GALNTL6: variants seen among roughly 807,000 people sequenced by gnomAD.
GALNTL6 encodes polypeptide N-acetylgalactosaminyltransferase-like 6.
In GALNTL6, 46 loss-of-function variants were observed where a neutral mutation model predicts 73.7. That is an observed-to-expected ratio of 0.62 (90% confidence interval 0.49 to 0.80). GALNTL6 has a LOEUF of 0.80. GALNTL6 is among the 30% of genes least tolerant of loss of function. GALNTL6 has a pLI of 0.00. For missense variants in GALNTL6, 604 were observed against 755.0 expected, an observed-to-expected ratio of 0.80 and a Z score of 2.34; for synonymous variants, 259 against 263.7, an observed-to-expected ratio of 0.98 and a Z score of 0.17.
chr4:172,494,534 G>A (rs1734005597), intron 5 of GALNTL6, among the ~76,000 whole-genome samples: 1 of 152,180 alleles, frequency 6.6e-6, no homozygotes, highest in African/African-American at 2.4e-5. Flanking sequence ...GACTCACATG[G>A]TCGCAAGGTG....
chr4:172,526,780 A>C (rs1310415043), intron 5 of GALNTL6, among the ~76,000 whole-genome samples: 1 of 151,992 alleles, frequency 6.6e-6, no homozygotes, highest in Non-Finnish European at 1.5e-5. Context: ...TTTCCTCACC[A>C]CCTTCACTTT....
In GALNTL6 at chr4:172,856,648, T is replaced by TCTAA. The variant is rs60747961; in HGVS notation, c.924-26140_924-26139insAACT. Reference sequence around the variant, plus strand: ...GTTCATTGACTGTGGTTTCTACTCTTCTGTCTGGCTTTACAACAGCTTCAA... The same window carrying TCTAA: ...GTTCATTGACTGTGGTTTCTACTCTTCTAACTGTCTGGCTTTACAACAGCTTCAA... On this transcript the variant is annotated intron_variant, in intron 7 of 12. Transcript: ENST00000506823. Among the ~76,000 whole-genome samples, 3 of 151,838 alleles carry TCTAA rather than the reference T, an allele frequency of 2.0e-5. No individual in the cohort carries two copies. The South Asian group carries it at 6.2e-4, about 31-fold the overall frequency.
At chr4:172,107,876 A>G (rs1333323028) in intron 2 of GALNTL6, among the ~76,000 whole-genome samples, 1 of 152,208 alleles carries the variant, frequency 6.6e-6, no homozygotes, top group African/African-American at 2.4e-5. Flanking sequence ...TGGTTCATTA[A>G]TCATTTCTAA....
intron 3 of GALNTL6, among the ~76,000 whole-genome samples, chr4:172,235,170 T>A (rs942207669): frequency 4.6e-5 from 7 of 152,170 alleles, no homozygotes; most frequent in Admixed American, 4.6e-4. Context: ...TTTTTTTTCT[T>A]TTTGCTTTCT....
intron 2 of GALNTL6, among the ~76,000 whole-genome samples, chr4:172,117,409 AT>A (rs1403044023): frequency 3.3e-5 from 5 of 152,198 alleles, no homozygotes; most frequent in African/African-American, 1.2e-4. Flanking sequence ...AGGCACGCTT[AT>A]AAAGGCTTTA....
At chr4:172,417,068 T>G (rs186395083) in intron 5 of GALNTL6, among the ~76,000 whole-genome samples, 27 of 152,272 alleles carry the variant, frequency 1.8e-4, no homozygotes, top group Admixed American at 1.6e-3. Flanking sequence ...AATCCGACTT[T>G]TCTCATAATT....
chr4:172,249,466 A>G (rs1351857649), intron 3 of GALNTL6, among the ~76,000 whole-genome samples: 1 of 152,202 alleles, frequency 6.6e-6, no homozygotes. Context: ...AAAATTGCAT[A>G]AGTAACAAGG....
intron 2 of GALNTL6, among the ~76,000 whole-genome samples, chr4:172,123,920 AAG>A (rs1162626638): frequency 6.6e-6 from 1 of 152,214 alleles, no homozygotes; most frequent in Non-Finnish European, 1.5e-5. Context: ...TTAGAGTTCT[AAG>A]AATTTTTTAT....
Position 172,010,848 on chromosome 4 carries a change from C to T in GALNTL6, c.138+196130C>T, listed in dbSNP as rs767398758. Reference sequence around the variant, plus strand: ...TGAAAACTGTTGACACAACGCCATCCGAAGAGTTCAGTGGTAATTTGGCAA... The same window carrying T: ...TGAAAACTGTTGACACAACGCCATCTGAAGAGTTCAGTGGTAATTTGGCAA... On this transcript the variant is annotated intron_variant, in intron 2 of 12. Coordinates refer to ENST00000506823, the MANE Select transcript of GALNTL6 (RefSeq NM_001034845.3). Among the ~76,000 whole-genome samples the T allele has an allele frequency of 4.0e-5, 6 of 151,816 alleles. No individual in the cohort carries two copies. In the South Asian group the frequency reaches 1.0e-3, roughly 26 times the overall value.
rs144257012 is a variant in GALNTL6 at position 172,535,635 on chromosome 4, A to G, written c.553+186946A>G. ...AACTATTTTAGAGAAGATAATACAC[A>G]ATACACATTAAGATATGTACATCTC... On this transcript the variant is annotated intron_variant, in intron 5 of 12. Coordinates refer to ENST00000506823, the MANE Select transcript of GALNTL6 (RefSeq NM_001034845.3). 5.5e-4 allele frequency among the ~76,000 whole-genome samples: 84 copies of G among 152,332 alleles called. 3 individuals are homozygous for G. The South Asian group carries it at 6.0e-3, about 11-fold the overall frequency.
chr4:172,910,410 T>C (rs1418174649), intron 8 of GALNTL6, among the ~76,000 whole-genome samples: 4 of 152,158 alleles, frequency 2.6e-5, no homozygotes, highest in Non-Finnish European at 4.4e-5. Context: ...ACTTGGTATT[T>C]ATATGCCAAG....
At chr4:171,855,021 A>G (rs1187983759) in intron 2 of GALNTL6, among the ~76,000 whole-genome samples, 1 of 149,534 alleles carries the variant, frequency 6.7e-6, no homozygotes. Flanking sequence ...CCTTGAGAGC[A>G]CTCCCTTAAT....
intron 2 of GALNTL6, among the ~76,000 whole-genome samples, chr4:172,096,084 CTGTG>C (rs138495979): frequency 2.7e-5 from 4 of 147,078 alleles, no homozygotes; most frequent in South Asian, 4.3e-4. Context: ...CTCTCTCTTT[CTGTG>C]TGTGTGTGTG....
chr4:171,984,409 G>C (rs1285846502), intron 2 of GALNTL6, among the ~76,000 whole-genome samples: 12 of 152,180 alleles, frequency 7.9e-5, no homozygotes, highest in Admixed American at 6.5e-4. Flanking sequence ...TAGGTGGTCT[G>C]CATGCTAGCT....
At chr4:171,979,955 A>AG (rs141093968) in intron 2 of GALNTL6, among the ~76,000 whole-genome samples, 136,492 of 152,052 alleles carry the variant, frequency 0.9, 62,752 homozygotes, top group Non-Finnish European at 1. Context: ...CAGAGTGACA[A>AG]GCAAAGGAAA....
At chr4:172,713,082 CTTG>C (rs1734811167) in intron 5 of GALNTL6, among the ~76,000 whole-genome samples, 2 of 152,208 alleles carry the variant, frequency 1.3e-5, no homozygotes, top group East Asian at 3.9e-4. Context: ...TATTTGAAAA[CTTG>C]TTGTTATGAC....
chr4:173,037,726 A>G (rs1753750390), intron 12 of GALNTL6, among the ~76,000 whole-genome samples: 1 of 151,844 alleles, frequency 6.6e-6, no homozygotes, highest in African/African-American at 2.4e-5. Flanking sequence ...AATTGTGCTC[A>G]TCTGGAGGGT....
At chr4:171,834,209 T>C (rs1461214909) in intron 2 of GALNTL6, among the ~76,000 whole-genome samples, 1 of 151,974 alleles carries the variant, frequency 6.6e-6, no homozygotes, top group South Asian at 2.1e-4. Flanking sequence ...TTAAATACAG[T>C]ACATTTGCTC....
At chr4:172,374,212 T>A (rs949837327) in intron 5 of GALNTL6, among the ~76,000 whole-genome samples, 3 of 152,248 alleles carry the variant, frequency 2.0e-5, no homozygotes, top group Non-Finnish European at 4.4e-5. Flanking sequence ...CTCCATTTTC[T>A]GTCCTCTCTG....
Sources: gnomAD v4.1 joint callset for allele counts (sites outside exome capture counted in the v4.1 genomes callset) on GRCh38, gnomAD v4.1.1 for gene constraint, MANE v1.5 for transcripts, NCBI Gene and HGNC (gene_info 2026-07-23, HGNC 2026-07-21) for gene names.